ANGPT1: variants seen among roughly 807,000 people sequenced by gnomAD.
The protein encoded by ANGPT1 is angiopoietin-1.
A neutral mutation model predicts 62.2 loss-of-function variants in ANGPT1; 17 were observed. That is an observed-to-expected ratio of 0.27 (90% CI 0.19 to 0.41). The LOEUF (loss-of-function observed/expected upper bound fraction) is 0.41. Among genes scored for constraint, ANGPT1 ranks in the 10% least tolerant of loss-of-function variants. The pLI is 1.00. For missense variants in ANGPT1, 478 were observed against 594.9 expected, an observed-to-expected ratio of 0.80 and a Z score of 2.04; for synonymous variants, 199 against 198.9, an observed-to-expected ratio of 1.00 and a Z score of 0.00.
At chr8:107,387,907 A>G (rs1043016566) in intron 1 of ANGPT1, among the ~76,000 whole-genome samples, 2 of 151,966 alleles carry the variant, frequency 1.3e-5, no homozygotes, top group Non-Finnish European at 2.9e-5. Context: ...CTGAATCCCA[A>G]CTCCTTTCTA....
At position 107,355,371 on chromosome 8, in the gene ANGPT1, T is replaced by A. The variant is rs559082904; in HGVS notation, c.298-8274A>T. On this transcript the variant is annotated intron_variant, in intron 1 of 8. Transcript: ENST00000517746. ...GTCTCCTGACTCCAGACTTGCCTCCTCCAATCCATCATCCATGCCATAGCC... is the reference window on the plus strand; with the variant it reads ...GTCTCCTGACTCCAGACTTGCCTCCACCAATCCATCATCCATGCCATAGCC... 5.3e-5 allele frequency among the ~76,000 whole-genome samples: 8 copies of A among 152,216 alleles called. No homozygotes were observed. The East Asian group carries it at 1.5e-3, about 29-fold the overall frequency.
At position 107,436,046 on chromosome 8, in the gene ANGPT1, G is replaced by A. The variant is rs145970509; in HGVS notation, c.297+61216C>T. Among the ~76,000 whole-genome samples the A allele has an allele frequency of 4.2e-3, 632 of 152,210 alleles. 3 individuals are homozygous for A. Among genetic ancestry groups the A allele is most frequent in the African/African-American group, 0.014 (596 of 41,536 alleles). ...GCCTCCCGAGAAGCTGGGACCACAG[G>A]AGTGCACTACCATGCTTGTCTAATT... On this transcript the variant is annotated intron_variant, in intron 1 of 8. Transcript: ENST00000517746.
At chr8:107,307,018 CT>C (rs1490611091) in intron 4 of ANGPT1, among the ~76,000 whole-genome samples, 1 of 152,098 alleles carries the variant, frequency 6.6e-6, no homozygotes, top group African/African-American at 2.4e-5. Flanking sequence ...GTGGTTTACA[CT>C]TTTTGTAATA....
At chr8:107,412,408 T>C (rs1474112562) in intron 1 of ANGPT1, among the ~76,000 whole-genome samples, 2 of 151,096 alleles carry the variant, frequency 1.3e-5, no homozygotes, top group Non-Finnish European at 2.9e-5. Flanking sequence ...TAGAAATAAA[T>C]AAAGGGATAA....
At chr8:107,423,266 AG>A (rs879516793) in intron 1 of ANGPT1, among the ~76,000 whole-genome samples, 8 of 152,232 alleles carry the variant, frequency 5.3e-5, no homozygotes, top group Admixed American at 5.2e-4. Context: ...TGACTAAATG[AG>A]ATAAAGCGTC....
intron 8 of ANGPT1, among the ~76,000 whole-genome samples, chr8:107,257,013 C>G (rs147179569): frequency 6.6e-6 from 1 of 151,994 alleles, no homozygotes; most frequent in African/African-American, 2.4e-5. Context: ...TCCGCTACCA[C>G]GCCTGGCTAA....
At chr8:107,266,735 T>G (rs1020366188) in intron 7 of ANGPT1, among the ~76,000 whole-genome samples, 1 of 152,182 alleles carries the variant, frequency 6.6e-6, no homozygotes, top group African/African-American at 2.4e-5. Flanking sequence ...CTTTCCAGGA[T>G]GTAATGATTT....
intron 1 of ANGPT1, among the ~76,000 whole-genome samples, chr8:107,454,469 T>TA (rs1230975154): frequency 2.6e-5 from 4 of 152,128 alleles, no homozygotes; most frequent in African/African-American, 9.7e-5. Flanking sequence ...CTGGTAGTGT[T>TA]AGAGGCAACT....
At chr8:107,330,751 A>AATTG (rs1288747094) in intron 3 of ANGPT1, among the ~76,000 whole-genome samples, 3 of 152,260 alleles carry the variant, frequency 2.0e-5, no homozygotes, top group African/African-American at 7.2e-5. Context: ...TAGAAGATGG[A>AATTG]ATTGATAGCA....
chr8:107,302,314 C>T (rs1433850797), intron 5 of ANGPT1, among the ~76,000 whole-genome samples: 1 of 151,824 alleles, frequency 6.6e-6, no homozygotes, highest in East Asian at 1.9e-4. Context: ...TTGTTTTATC[C>T]TGTAAGGGCA....
intron 5 of ANGPT1, among the ~76,000 whole-genome samples, chr8:107,296,561 T>C (rs781160433): frequency 2.2e-4 from 34 of 152,142 alleles, no homozygotes; most frequent in African/African-American, 7.7e-4. Context: ...TAAAATCAGA[T>C]GGCATAGTTT....
At chr8:107,260,076 C>T (rs1813457244) in intron 8 of ANGPT1, among the ~76,000 whole-genome samples, 1 of 151,956 alleles carries the variant, frequency 6.6e-6, no homozygotes, top group Non-Finnish European at 1.5e-5. Flanking sequence ...TAATTAACCC[C>T]CTTAAACTGA....
intron 5 of ANGPT1, among the ~76,000 whole-genome samples, chr8:107,301,381 T>C (rs963823170): frequency 1.3e-5 from 2 of 151,876 alleles, no homozygotes; most frequent in African/African-American, 4.8e-5. Context: ...AGCAAATGTT[T>C]TAACTCCACC....
chr8:107,252,018 G>GA lies in ANGPT1; in HGVS notation c.1337-4dup. The GA allele has an allele frequency of 1.2e-6, 2 of 1,609,092 alleles. No individual in the cohort carries two copies. The highest frequency in any genetic ancestry group is 8.5e-7 in the Non-Finnish European group (1 of 1,178,128). On this transcript the variant is annotated splice_region_variant and splice_polypyrimidine_tract_variant and intron_variant, in intron 8 of 8. Transcript: ENST00000517746. ...GCCACAAGCATCAAACCACCATCCT[G>GA]AAAAAATAATTCATAATAGAAGAGA...
rs898552826 is a variant in ANGPT1 at position 107,431,805 on chromosome 8, T to C, written c.297+65457A>G. On this transcript the variant is annotated intron_variant, in intron 1 of 8. Coordinates refer to ENST00000517746, the MANE Select transcript of ANGPT1 (RefSeq NM_001146.5). Reference sequence around the variant, plus strand: ...CAGTTCAAGAAATTCAAAGACTAGATTGCTTCATAAACCAAGTCTTTGCAG... The same window carrying C: ...CAGTTCAAGAAATTCAAAGACTAGACTGCTTCATAAACCAAGTCTTTGCAG... 5.3e-5 allele frequency among the ~76,000 whole-genome samples: 8 copies of C among 152,310 alleles called. No homozygotes were observed. The South Asian group carries it at 1.5e-3, about 28-fold the overall frequency.
intron 5 of ANGPT1, among the ~76,000 whole-genome samples, chr8:107,299,422 A>ATATATATATAC (rs1281291162): frequency 7.2e-4 from 84 of 116,130 alleles, no homozygotes; most frequent in African/African-American, 2.5e-3. Flanking sequence ...TATATATATA[A>ATATATATATAC]ACATACATAT....
chr8:107,466,516 C>G (rs1170612082), intron 1 of ANGPT1, among the ~76,000 whole-genome samples: 1 of 152,092 alleles, frequency 6.6e-6, no homozygotes, highest in Non-Finnish European at 1.5e-5. Context: ...TTCATACACT[C>G]TGTGTAGGTT....
chr8:107,364,196 T>C (rs183125309), intron 1 of ANGPT1, among the ~76,000 whole-genome samples: 167 of 152,240 alleles, frequency 1.1e-3, no homozygotes, highest in African/African-American at 3.9e-3. Flanking sequence ...CAAGCAAGCA[T>C]CCACAAGGAT....
rs142999021 is a variant in ANGPT1, at chr8:107,363,286, C to T, written c.298-16189G>A. Reference sequence around the variant, plus strand: ...CAGATGTAAGGTGCCATGTAAATGTCAGATACTTATACTTCGATGTGGGTA... The same window carrying T: ...CAGATGTAAGGTGCCATGTAAATGTTAGATACTTATACTTCGATGTGGGTA... On this transcript the variant is annotated intron_variant, in intron 1 of 8. Coordinates refer to ENST00000517746, the MANE Select transcript of ANGPT1 (RefSeq NM_001146.5). Among the ~76,000 whole-genome samples, 20 of 152,178 alleles carry T rather than the reference C, an allele frequency of 1.3e-4. No individual in the cohort carries two copies. The East Asian group carries it at 3.9e-3, about 29-fold the overall frequency.
Sources: gnomAD v4.1 joint callset for allele counts (sites outside exome capture counted in the v4.1 genomes callset) on GRCh38, gnomAD v4.1.1 for gene constraint, MANE v1.5 for transcripts, NCBI Gene and HGNC (gene_info 2026-07-23, HGNC 2026-07-21) for gene names.